PLBD2: variants seen among roughly 807,000 people sequenced by gnomAD.
PLBD2 encodes the protein phospholipase B domain containing 2, also known as putative aminopeptidase PLBD2.
A neutral mutation model predicts 68.3 loss-of-function variants in PLBD2; 51 were observed. The ratio of observed to expected loss-of-function variants is 0.75; its 90% CI spans 0.60 to 0.94. The LOEUF (loss-of-function observed/expected upper bound fraction) is 0.94. PLBD2 is among the 40% of genes least tolerant of loss of function. The pLI is 0.00. For missense variants in PLBD2, 729 were observed against 792.2 expected (o/e 0.92, Z 0.96); for synonymous variants, 314 against 339.3 (o/e 0.93, Z 0.82).
intron 1 of PLBD2, among the ~76,000 whole-genome samples, chr12:113,361,156 G>A (rs1957290056): frequency 6.6e-6 from 1 of 151,948 alleles, no homozygotes; most frequent in African/African-American, 2.4e-5. Flanking sequence ...GGGGGACTCT[G>A]TGTCTTATTT....
At chr12:113,380,942 G>A in intron 6 of PLBD2, 100 bp downstream of exon 6, 2 of 1,148,216 alleles carry the variant, frequency 1.7e-6, no homozygotes, top group Non-Finnish European at 2.5e-6. Flanking sequence ...GGACCAGGCT[G>A]CAGCCCAGTG....
rs1194803836 is a variant in PLBD2, at chr12:113,390,844, C to T, written c.*2218C>T. The T allele has an allele frequency of 1.3e-5, 2 of 151,824 alleles. No homozygotes were observed. The highest frequency in any genetic ancestry group is 4.8e-5 in the African/African-American group (2 of 41,334). The allele number at this position is 151,824 out of a possible 1,614,324, so 9.4% of individuals were successfully genotyped here. A position where few individuals can be genotyped will look rare whatever the true frequency, so the allele number is the denominator to read the frequency against. The stretch of plus-strand genomic sequence containing the variant: ...CATCCGTCCACCTATCCATTTATCA[C>T]CCATCTACCCATCCATCCACCCACT... On this transcript the variant is annotated 3_prime_UTR_variant, in exon 12 of 12. Coordinates refer to ENST00000280800, the MANE Select transcript of PLBD2 (RefSeq NM_173542.4).
intron 1 of PLBD2, 51 bp downstream of exon 1, chr12:113,358,941 G>C: frequency 1.4e-6 from 2 of 1,469,062 alleles, no homozygotes; most frequent in Non-Finnish European, 1.8e-6. Flanking sequence ...GGGGATGCGT[G>C]GGCGCCGGAC....
chr12:113,385,111 C>A (rs1011013610), intron 8 of PLBD2, 101 bp from the exon 9 acceptor site: 24 of 1,387,720 alleles, frequency 1.7e-5, no homozygotes, highest in Admixed American at 1.1e-4. Flanking sequence ...CTTAATCCAT[C>A]CTCCAGGCAA....
At chr12:113,364,721 C>T (rs1957327287) in intron 1 of PLBD2, among the ~76,000 whole-genome samples, 1 of 152,132 alleles carries the variant, frequency 6.6e-6, no homozygotes, top group African/African-American at 2.4e-5. Context: ...CTCAGCCTCC[C>T]AAAGCACTGG....
intron 1 of PLBD2, among the ~76,000 whole-genome samples, chr12:113,364,288 C>T (rs936656641): frequency 2.0e-5 from 3 of 152,306 alleles, no homozygotes; most frequent in Middle Eastern, 3.4e-3. Context: ...GGCCACTGGC[C>T]GCTCAGTTAC....
At chr12:113,380,698 A>T (rs370657605) in intron 5 of PLBD2, 47 bp from the exon 6 acceptor site, 2 of 1,492,152 alleles carry the variant, frequency 1.3e-6, no homozygotes, top group Non-Finnish European at 1.8e-6. Context: ...AGGGGCCTCC[A>T]CCTGTGCCTG....
At position 113,372,564 on chromosome 12, in the gene PLBD2, C is replaced by T; in HGVS notation, c.385-85C>T. 3.4e-6 allele frequency: 5 copies of T among 1,471,940 alleles called. No homozygotes were observed. The highest frequency in any genetic ancestry group is 4.6e-6 in the Non-Finnish European group (5 of 1,077,708). 91.2% of individuals were successfully genotyped at this position (1,471,940 alleles called of 1,614,324 possible). ...CAGGTGGCCACACCAGCAGCCTCCGCTCTGGGGCAGCCTGGGTGGGGGGCT... is the reference window on the plus strand; with the variant it reads ...CAGGTGGCCACACCAGCAGCCTCCGTTCTGGGGCAGCCTGGGTGGGGGGCT... On this transcript the variant is annotated intron_variant, in intron 2 of 11. Coordinates refer to ENST00000280800, the MANE Select transcript of PLBD2 (RefSeq NM_173542.4). This position sits in a 1 kb window ranked among gnomAD's most constrained non-coding sequence, Gnocchi z 4.2.
At chr12:113,370,909 G>A (rs1338714927) in intron 2 of PLBD2, among the ~76,000 whole-genome samples, 1 of 152,156 alleles carries the variant, frequency 6.6e-6, no homozygotes, top group Non-Finnish European at 1.5e-5. Context: ...CCTAACCAGT[G>A]GCCCAAAGGC....
chr12:113,388,910 T>G lies in PLBD2; in HGVS notation c.*284T>G. 41 of 265,688 alleles carry G rather than the reference T, an allele frequency of 1.5e-4. No homozygotes were observed. The highest frequency in any genetic ancestry group is 2.9e-4 in the East Asian group (4 of 13,748). The allele number at this position is 265,688 out of a possible 1,614,324, so 16.5% of individuals were successfully genotyped here. A position where few individuals can be genotyped will look rare whatever the true frequency, so the allele number is the denominator to read the frequency against. Reference sequence around the variant, plus strand: ...TCCTACTGCTGCTCTCTCAACCTCATTCCCACCTCTGGGGCCCCTTCCTCG... The same window carrying G: ...TCCTACTGCTGCTCTCTCAACCTCAGTCCCACCTCTGGGGCCCCTTCCTCG... On this transcript the variant is annotated 3_prime_UTR_variant, in exon 12 of 12. Coordinates refer to ENST00000280800, the MANE Select transcript of PLBD2 (RefSeq NM_173542.4).
At chr12:113,359,133 C>A (rs1275884681) in intron 1 of PLBD2, among the ~76,000 whole-genome samples, 3 of 152,258 alleles carry the variant, frequency 2.0e-5, no homozygotes, top group African/African-American at 7.2e-5. Context: ...GACAGTACTT[C>A]TGTCCCCAAG....
intron 5 of PLBD2, among the ~76,000 whole-genome samples, chr12:113,375,752 C>T (rs1447900993): frequency 2.0e-5 from 3 of 152,180 alleles, no homozygotes; most frequent in Admixed American, 6.5e-5. Flanking sequence ...AGCTGGGCTA[C>T]GTGGTCTTTC....
chr12:113,384,833 C>T lies in PLBD2; in HGVS notation c.1119-18C>T, dbSNP rs1351391696. 1.9e-6 allele frequency: 3 copies of T among 1,610,782 alleles called. No individual in the cohort carries two copies. The highest frequency in any genetic ancestry group is 2.5e-6 in the Non-Finnish European group (3 of 1,177,390). ...TGGCTCCAGGCTCTGTTCAGTCCTC[C>T]CTTCCCCTGCCCGGCAGGTATAACA... On this transcript the variant is annotated intron_variant, in intron 7 of 11. Coordinates refer to ENST00000280800, the MANE Select transcript of PLBD2 (RefSeq NM_173542.4). The surrounding 1 kb of genome is among the most constrained non-coding windows in gnomAD (Gnocchi z 4.2).
chr12:113,385,013 G>A, intron 8 of PLBD2, 67 bp downstream of exon 8: 1 of 1,478,108 alleles, frequency 6.8e-7, no homozygotes, highest in Non-Finnish European at 9.3e-7. Context: ...AAGGCCCAGA[G>A]CCGTGCTGGC....
intron 11 of PLBD2, 55 bp from the exon 12 acceptor site, chr12:113,388,404 C>T (rs1957574800): frequency 8.9e-6 from 13 of 1,462,584 alleles, no homozygotes; most frequent in Admixed American, 5.7e-5. Context: ...GGCTGGGTGC[C>T]TGGATTGGGG....
chr12:113,368,364 GGCAGCTCTACTTCATGCT>G (rs1957359853), intron 1 of PLBD2, among the ~76,000 whole-genome samples: 1 of 152,158 alleles, frequency 6.6e-6, no homozygotes, highest in South Asian at 2.1e-4. Context: ...GGGCTGCTGG[GGCAGCTCTACTTCATGCT>G]GCAGCTCTAC....
chr12:113,360,264 T>C (rs1003873558), intron 1 of PLBD2, among the ~76,000 whole-genome samples: 18 of 152,022 alleles, frequency 1.2e-4, no homozygotes, highest in Non-Finnish European at 4.4e-5. Flanking sequence ...TGAAGCTTTG[T>C]GGCTGGCCTC....
chr12:113,371,460 G>C (rs368504112), intron 2 of PLBD2, among the ~76,000 whole-genome samples: 13 of 152,244 alleles, frequency 8.5e-5, no homozygotes, highest in African/African-American at 3.1e-4. Context: ...AACTCACACT[G>C]CTCCTTCTGA....
chr12:113,387,757 C>T lies in PLBD2; in HGVS notation c.1453C>T (p.Leu485Phe). ...TTCCCCATCCAGGTACAATGACTTC[C>T]TCCATGACCCTCTGTCACTGTGCAA... ...MVRLMRYNDF[L>F]HDPLSLCKAC... Residue 485 changes from leucine (L) to phenylalanine (F), a missense_variant, in exon 11 of 12, where the codon CTC becomes TTC. Transcript: ENST00000280800. 1.2e-6 allele frequency: 2 copies of T among 1,614,092 alleles called. No homozygotes were observed. Among genetic ancestry groups the T allele is most frequent in the Non-Finnish European group, 1.7e-6 (2 of 1,179,942 alleles).
Sources: allele counts gnomAD v4.1 joint callset (sites outside exome capture counted in the v4.1 genomes callset), GRCh38; gene constraint gnomAD v4.1.1; non-coding constraint Gnocchi (gnomAD v3.1); transcripts MANE v1.5; gene names NCBI Gene and HGNC (gene_info 2026-07-23, HGNC 2026-07-21).